Variants in NDUFAF4 observed in about 807,000 individuals in gnomAD.
NDUFAF4 encodes NADH dehydrogenase [ubiquinone] 1 alpha subcomplex assembly factor 4.
Under a neutral mutation model 15.6 loss-of-function variants are expected in NDUFAF4, and 10 were observed. The observed-to-expected ratio is 0.64, with a 90% confidence interval of 0.40 to 1.09. The LOEUF (loss-of-function observed/expected upper bound fraction) is 1.09. Ranked by LOEUF, NDUFAF4 falls within the 50% of genes least tolerant of loss-of-function variation. The pLI is 0.01. For synonymous variants in NDUFAF4, 77 were observed against 73.3 expected, an observed-to-expected ratio of 1.05 and a Z score of -0.26; for missense variants, 203 against 207.3, an observed-to-expected ratio of 0.98 and a Z score of 0.13.
In NDUFAF4 at chr6:96,889,838, G is replaced by C. The variant is rs940343913; in HGVS notation, c.*1266C>G. The C allele has an allele frequency of 6.6e-5, 10 of 152,108 alleles. No individual in the cohort carries two copies. Among genetic ancestry groups the C allele is most frequent in the Admixed American group, 5.9e-4 (9 of 15,258 alleles). 9.4% of individuals were successfully genotyped at this position (152,108 alleles called of 1,614,324 possible). ...CAAGACAGAAAAAACACACTACTAG[G>C]ATTTGAAAAACTAAATTCTGGGCCT... On this transcript the variant is annotated 3_prime_UTR_variant, in exon 3 of 3. Transcript: ENST00000316149.
chr6:96,893,262 T>C (rs1775335939), intron 2 of NDUFAF4, among the ~76,000 whole-genome samples: 1 of 152,202 alleles, frequency 6.6e-6, no homozygotes, highest in Non-Finnish European at 1.5e-5. Context: ...TGGTCTCTTC[T>C]AATTAGATAA....
chr6:96,897,337 A>AC (rs1775394724), intron 1 of NDUFAF4, among the ~76,000 whole-genome samples: 5 of 152,252 alleles, frequency 3.3e-5, no homozygotes, highest in Admixed American at 3.3e-4. Context: ...TCCAGTGAAG[A>AC]CCCCTAGAGA....
intron 1 of NDUFAF4, 137 bp from the exon 2 acceptor site, chr6:96,896,984 T>G (rs1434236839): frequency 4.5e-6 from 3 of 662,090 alleles, no homozygotes; most frequent in Admixed American, 4.6e-5. Context: ...TGGAGTGCAG[T>G]CGCGCGATCT....
chr6:96,896,653 G>A, intron 2 of NDUFAF4, 91 bp downstream of exon 2: 2 of 1,033,072 alleles, frequency 1.9e-6, no homozygotes, highest in Non-Finnish European at 1.5e-6. Flanking sequence ...CACTTGCAGA[G>A]CACTCTTTTT....
chr6:96,894,349 T>C (rs1183937561), intron 2 of NDUFAF4, among the ~76,000 whole-genome samples: 3 of 152,268 alleles, frequency 2.0e-5, no homozygotes, highest in East Asian at 3.9e-4. Context: ...ACCCTTACTT[T>C]ACCAAGAATA....
rs745646256 is a variant in NDUFAF4 at position 96,891,272 on chromosome 6, C to T, written c.360G>A (p.Leu120=). The change falls in exon 3 of 3, where the codon TTG becomes TTA. Residue 120 remains leucine, a synonymous_variant. Coordinates refer to ENST00000316149, the MANE Select transcript of NDUFAF4 (RefSeq NM_014165.4). ...PKGKISIVEA[L]TLLNNHKLFP... is the part of the protein sequence containing the mutation. The stretch of plus-strand genomic sequence containing the variant: ...AAAGCTTATGATTATTGAGAAGTGT[C>T]AATGCTTCTACAATGGAAATTTTGC... 1 of 1,613,692 alleles carries T rather than the reference C, an allele frequency of 6.2e-7. No individual in the cohort carries two copies. The highest frequency in any genetic ancestry group is 8.5e-7 in the Non-Finnish European group (1 of 1,179,838).
chr6:96,892,702 A>C (rs1465026301), intron 2 of NDUFAF4, among the ~76,000 whole-genome samples: 3 of 151,776 alleles, frequency 2.0e-5, no homozygotes, highest in Non-Finnish European at 4.4e-5. Context: ...CCACCCCCTC[A>C]CAGTTTTCCA....
chr6:96,894,611 T>C (rs1047016116), intron 2 of NDUFAF4, among the ~76,000 whole-genome samples: 1 of 152,132 alleles, frequency 6.6e-6, no homozygotes, highest in African/African-American at 2.4e-5. Context: ...ATATATAGGG[T>C]TCAGTACTAC....
rs1189589212 is a variant in NDUFAF4 at position 96,889,416 on chromosome 6, A to G, written c.*1688T>C. ...TAAAGAAGATGGCTCAGAAGAGTGT[A>G]CTAGTATTTGTGACTCAGCTAGTGA... is the stretch of plus-strand genomic sequence containing the variant. On this transcript the variant is annotated 3_prime_UTR_variant, in exon 3 of 3. Coordinates refer to ENST00000316149, the MANE Select transcript of NDUFAF4 (RefSeq NM_014165.4). 2 of 152,206 alleles carry G rather than the reference A, an allele frequency of 1.3e-5. No individual in the cohort carries two copies. 9.4% of individuals were successfully genotyped at this position (152,206 alleles called of 1,614,324 possible).
At chr6:96,891,752 C>T (rs747397451) in intron 2 of NDUFAF4, among the ~76,000 whole-genome samples, 31 of 151,836 alleles carry the variant, frequency 2.0e-4, no homozygotes, top group Non-Finnish European at 4.1e-4. Flanking sequence ...CTGAGGCCTC[C>T]CCAGAAGCAG....
In NDUFAF4 at chr6:96,896,994, T is replaced by G. The variant is rs945517418; in HGVS notation, c.137-147A>C. 3 of 637,540 alleles carry G rather than the reference T, an allele frequency of 4.7e-6. No homozygotes were observed. The African/African-American group carries it at 5.5e-5, about 12-fold the overall frequency. 39.5% of individuals were successfully genotyped at this position (637,540 alleles called of 1,614,324 possible). A position where few individuals can be genotyped will look rare whatever the true frequency, so the allele number is the denominator to read the frequency against. On this transcript the variant is annotated intron_variant, in intron 1 of 2. Coordinates refer to ENST00000316149, the MANE Select transcript of NDUFAF4 (RefSeq NM_014165.4). ...CAGACTGGAGTGCAGTCGCGCGATC[T>G]CGGCTCCCTGCAACCTCCGCCTCCC...
At position 96,893,777 on chromosome 6, in the gene NDUFAF4, C is replaced by T. The variant is rs997907719; in HGVS notation, c.241-2386G>A. On this transcript the variant is annotated intron_variant, in intron 2 of 2. Transcript: ENST00000316149. Reference sequence around the variant, plus strand: ...TAAAAATAGAAGAAAATGTCCCAAACGTGATATAAGTATTTTTTAATCGAA... The same window carrying T: ...TAAAAATAGAAGAAAATGTCCCAAATGTGATATAAGTATTTTTTAATCGAA... Among the ~76,000 whole-genome samples, 5 of 149,044 alleles carry T rather than the reference C, an allele frequency of 3.4e-5. No individual in the cohort carries two copies. The South Asian group carries it at 6.3e-4, about 19-fold the overall frequency.
At position 96,896,849 on chromosome 6, in the gene NDUFAF4, T is replaced by G; in HGVS notation, c.137-2A>C. The G allele has an allele frequency of 6.2e-7, 1 of 1,605,782 alleles. No homozygotes were observed. Among genetic ancestry groups the G allele is most frequent in the African/African-American group, 1.3e-5 (1 of 74,890 alleles). The stretch of plus-strand genomic sequence containing the variant: ...TCTCTCCTTTAACTTCTGGATAGAC[T>G]AAGGAAAGGAAAAAAGTCACAATAT... On this transcript the variant is annotated splice_acceptor_variant, in intron 1 of 2. Coordinates refer to ENST00000316149, the MANE Select transcript of NDUFAF4 (RefSeq NM_014165.4). LOFTEE classifies it high-confidence loss of function.
Position 96,896,756 on chromosome 6 carries a change from C to T in NDUFAF4, c.228G>A (p.Val76=). 1 of 1,611,500 alleles carries T rather than the reference C, an allele frequency of 6.2e-7. No homozygotes were observed. The highest frequency in any genetic ancestry group is 2.2e-5 in the East Asian group (1 of 44,850). ...AACACACATTTACCTGCAAGGAAGA[C>T]ACAGGATCTTTGGAATCAACATACA... ...KDVYVDSKDP[V]SSLQVKAAET... Residue 76 remains valine, a synonymous_variant, in exon 2 of 3, where the codon GTG becomes GTA. Coordinates refer to ENST00000316149, the MANE Select transcript of NDUFAF4 (RefSeq NM_014165.4).
In NDUFAF4 at chr6:96,891,327, T is replaced by A; in HGVS notation, c.305A>T (p.Asp102Val). ...EFRLPKDHHFDMINIKSIPKG... is the reference protein window; with the variant it reads ...EFRLPKDHHFVMINIKSIPKG... ...GGGAATGCTCTTAATATTTATCATATCAAAATGATGGTCTTTCGGCAATCT... is the reference window on the plus strand; with the variant it reads ...GGGAATGCTCTTAATATTTATCATAACAAAATGATGGTCTTTCGGCAATCT... The change falls in exon 3 of 3, where the codon GAT becomes GTT. Residue 102 changes from aspartate to valine, a missense_variant. Physicochemically the swap from Asp to Val is radical, Grantham distance 152. Transcript: ENST00000316149. 6.2e-7 allele frequency: 1 copy of A among 1,613,636 alleles called. No individual in the cohort carries two copies. The highest frequency in any genetic ancestry group is 8.5e-7 in the Non-Finnish European group (1 of 1,179,814).
chr6:96,896,922 C>T, intron 1 of NDUFAF4, 75 bp from the exon 2 acceptor site: 1 of 1,071,292 alleles, frequency 9.3e-7, no homozygotes. Flanking sequence ...TTAACACAAA[C>T]GCTTTCTTTT....
chr6:96,890,814 T>C lies in NDUFAF4; in HGVS notation c.*290A>G, dbSNP rs1442265930. 1.0e-5 allele frequency: 3 copies of C among 300,568 alleles called. No individual in the cohort carries two copies. Among genetic ancestry groups the C allele is most frequent in the Admixed American group, 9.7e-5 (2 of 20,564 alleles). The allele number at this position is 300,568 out of a possible 1,614,324, so 18.6% of individuals were successfully genotyped here. On this transcript the variant is annotated 3_prime_UTR_variant, in exon 3 of 3. Coordinates refer to ENST00000316149, the MANE Select transcript of NDUFAF4 (RefSeq NM_014165.4). ...GGGGTAATATGACCAATTTAAAAGTTGGTATATGTGCCTAAAATAACAAAT... is the reference window on the plus strand; with the variant it reads ...GGGGTAATATGACCAATTTAAAAGTCGGTATATGTGCCTAAAATAACAAAT...
chr6:96,897,850 G>T lies in NDUFAF4; in HGVS notation c.-49C>A, dbSNP rs372635399. 1.5e-5 allele frequency: 24 copies of T among 1,612,850 alleles called. No individual in the cohort carries two copies. The African/African-American group carries it at 1.6e-4, about 11-fold the overall frequency. ...GGTTCAGGCCGCACGTGGGAACACC[G>T]GCGCAGGACAACTCCGGGACACCCG... On this transcript the variant is annotated 5_prime_UTR_variant, in exon 1 of 3. Coordinates refer to ENST00000316149, the MANE Select transcript of NDUFAF4 (RefSeq NM_014165.4).
chr6:96,894,373 A>G (rs900028002), intron 2 of NDUFAF4, among the ~76,000 whole-genome samples: 2 of 152,174 alleles, frequency 1.3e-5, no homozygotes, highest in African/African-American at 4.8e-5. Flanking sequence ...CCAAAGCACA[A>G]GGGTAGTGAT....
Sources: gnomAD v4.1 joint callset for allele counts (sites outside exome capture counted in the v4.1 genomes callset) on GRCh38, gnomAD v4.1.1 for gene constraint, MANE v1.5 for transcripts, NCBI Gene and HGNC (gene_info 2026-07-23, HGNC 2026-07-21) for gene names.